Variants in KIF13A observed in about 807,000 individuals in gnomAD.
KIF13A encodes kinesin family member 13A, also known as kinesin-like protein KIF13A.
Under a neutral mutation model 212.2 loss-of-function variants are expected in KIF13A, and 79 were observed. The ratio of observed to expected loss-of-function variants is 0.37; its 90% CI spans 0.31 to 0.45. The LOEUF (loss-of-function observed/expected upper bound fraction) is 0.45, where lower values mean the gene tolerates loss of function less well. KIF13A is among the 20% of genes least tolerant of loss of function. The pLI is 1.00. For synonymous variants in KIF13A, 789 were observed against 808.6 expected (o/e 0.98, Z 0.41); for missense variants, 1,901 against 2,209.0 (o/e 0.86, Z 2.79).
At chr6:17,920,602 G>A (rs1028460791) in intron 2 of KIF13A, among the ~76,000 whole-genome samples, 8 of 152,004 alleles carry the variant, frequency 5.3e-5, no homozygotes, top group Non-Finnish European at 1.2e-4. Flanking sequence ...GGCTGGGTGC[G>A]GTGGCTCACG....
At chr6:17,841,051 C>T (rs972836841) in intron 9 of KIF13A, among the ~76,000 whole-genome samples, 1 of 151,754 alleles carries the variant, frequency 6.6e-6, no homozygotes, top group African/African-American at 2.4e-5. Flanking sequence ...ACCTGCCTCC[C>T]GCATCCAGAA....
intron 2 of KIF13A, among the ~76,000 whole-genome samples, chr6:17,937,757 T>TTG (rs1554118972): frequency 7.1e-6 from 1 of 139,888 alleles, no homozygotes; most frequent in African/African-American, 2.8e-5. Flanking sequence ...TTTTTTTTTT[T>TTG]TTGTTTTTTT....
At chr6:17,887,265 C>T (rs1334981185) in intron 3 of KIF13A, among the ~76,000 whole-genome samples, 3 of 152,174 alleles carry the variant, frequency 2.0e-5, no homozygotes, top group Non-Finnish European at 4.4e-5. Flanking sequence ...ATATGGTATA[C>T]AGCCACAGGG....
Position 17,926,090 on chromosome 6 carries a change from ATATAAT to A in KIF13A, c.147-27916_147-27911del, listed in dbSNP as rs1418703365. ...TATAATGAAGATGTCAGAACCAGAC[ATATAAT>A]TAAAGTAGTCATCATGTCCACGGTC... On this transcript the variant is annotated intron_variant, in intron 2 of 38. Coordinates refer to ENST00000259711, the MANE Select transcript of KIF13A (RefSeq NM_022113.6). The surrounding 1 kb of genome is among the most constrained non-coding windows in gnomAD (Gnocchi z 4.3). Among the ~76,000 whole-genome samples the A allele has an allele frequency of 6.6e-6, 1 of 152,194 alleles. No homozygotes were observed. The highest frequency in any genetic ancestry group is 2.4e-5 in the African/African-American group (1 of 41,442).
At chr6:17,965,473 C>G (rs1037430559) in intron 2 of KIF13A, among the ~76,000 whole-genome samples, 16 of 152,228 alleles carry the variant, frequency 1.1e-4, no homozygotes, top group Admixed American at 9.2e-4. Context: ...GAGAGAAACT[C>G]AGAGTTCACA....
chr6:17,893,595 A>G (rs1240323749), intron 3 of KIF13A, among the ~76,000 whole-genome samples: 1 of 152,034 alleles, frequency 6.6e-6, no homozygotes, highest in Non-Finnish European at 1.5e-5. Context: ...GCTTAACTGC[A>G]CTGCCTAGGA....
At chr6:17,846,504 A>T (rs1767075509) in intron 9 of KIF13A, among the ~76,000 whole-genome samples, 1 of 151,742 alleles carries the variant, frequency 6.6e-6, no homozygotes, top group Non-Finnish European at 1.5e-5. Flanking sequence ...GCAGTGGCTC[A>T]CACCTATAAC....
chr6:17,881,623 G>C (rs1341020922), intron 3 of KIF13A: 1 of 353,386 alleles, frequency 2.8e-6, no homozygotes, highest in Non-Finnish European at 5.5e-6. Context: ...CTTGAACTCA[G>C]GAAGCGGAGG....
In KIF13A at chr6:17,912,504, C is replaced by T. The variant is rs369259211; in HGVS notation, c.147-14324G>A. On this transcript the variant is annotated intron_variant, in intron 2 of 38. Transcript: ENST00000259711. This position sits in a 1 kb window ranked among gnomAD's most constrained non-coding sequence, Gnocchi z 4.2. ...GAGCCTGGACTTCCCTGGCTTCCAA[C>T]TGTTCTCACCCTAAGCACTTATTAG... is the stretch of plus-strand genomic sequence containing the variant. Among the ~76,000 whole-genome samples, 1 of 152,362 alleles carries T rather than the reference C, an allele frequency of 6.6e-6. No individual in the cohort carries two copies. Among genetic ancestry groups the T allele is most frequent in the African/African-American group, 2.4e-5 (1 of 41,594 alleles).
At chr6:17,885,128 G>C (rs1771425890) in intron 3 of KIF13A, among the ~76,000 whole-genome samples, 1 of 150,666 alleles carries the variant, frequency 6.6e-6, no homozygotes, top group Non-Finnish European at 1.5e-5. Context: ...AAGAAAAAAA[G>C]GAAGAGTTAA....
Position 17,897,406 on chromosome 6 carries a change from T to C in KIF13A, c.159+762A>G, listed in dbSNP as rs1772668728. Among the ~76,000 whole-genome samples, 2 of 152,172 alleles carry C rather than the reference T, an allele frequency of 1.3e-5. No individual in the cohort carries two copies. The highest frequency in any genetic ancestry group is 2.9e-5 in the Non-Finnish European group (2 of 68,014). Reference sequence around the variant, plus strand: ...ATTTCTCACTCCTTTTGGTGCTAAGTGTCCCTCTGATACTCAGCAAAATGC... The same window carrying C: ...ATTTCTCACTCCTTTTGGTGCTAAGCGTCCCTCTGATACTCAGCAAAATGC... On this transcript the variant is annotated intron_variant, in intron 3 of 38. Coordinates refer to ENST00000259711, the MANE Select transcript of KIF13A (RefSeq NM_022113.6). This position sits in a 1 kb window ranked among gnomAD's most constrained non-coding sequence, Gnocchi z 4.8.
chr6:17,911,849 C>G (rs975172527), intron 2 of KIF13A, among the ~76,000 whole-genome samples: 1 of 151,352 alleles, frequency 6.6e-6, no homozygotes, highest in African/African-American at 2.4e-5. Context: ...ACTGCAACCT[C>G]CACCTCCCGG....
At chr6:17,893,788 CATAA>C (rs1202516330) in intron 3 of KIF13A, among the ~76,000 whole-genome samples, 1 of 144,048 alleles carries the variant, frequency 6.9e-6, no homozygotes, top group Non-Finnish European at 1.5e-5. Flanking sequence ...ATCATAAATT[CATAA>C]ATAAACATTG....
At chr6:17,901,081 C>CAA (rs34266366) in intron 2 of KIF13A, among the ~76,000 whole-genome samples, 201 of 70,136 alleles carry the variant, frequency 2.9e-3, no homozygotes, top group African/African-American at 6.6e-3. Flanking sequence ...GACTCTGTCT[C>CAA]AAAAAAAAAA....
At position 17,764,591 on chromosome 6, in the gene KIF13A, G is replaced by A. The variant is rs765535914; in HGVS notation, c.4937C>T (p.Pro1646Leu). Reference protein sequence around the residue: ...STPSLVHDFRPSSNKELTEVE... With the variant: ...STPSLVHDFRLSSNKELTEVE... Reference sequence around the variant, plus strand: ...TTCTGTCAACTCTTTGTTTGAGGACGGCCTGAAATCATGCACAAGCGATGG... The same window carrying A: ...TTCTGTCAACTCTTTGTTTGAGGACAGCCTGAAATCATGCACAAGCGATGG... Residue 1646 changes from proline to leucine, a missense_variant, in exon 39 of 39, where the codon CCG becomes CTG. This residue lies in a region of KIF13A where 687 missense variants were observed against 759.1 expected (regional missense o/e 0.90). Coordinates refer to ENST00000259711, the MANE Select transcript of KIF13A (RefSeq NM_022113.6). The surrounding 1 kb of genome is among the most constrained non-coding windows in gnomAD (Gnocchi z 5.1). 29 of 1,613,790 alleles carry A rather than the reference G, an allele frequency of 1.8e-5. No homozygotes were observed. The highest frequency in any genetic ancestry group is 3.3e-5 in the Admixed American group (2 of 60,002).
At chr6:17,852,129 C>CA in intron 6 of KIF13A, 87 bp from the exon 7 acceptor site, 1 of 587,924 alleles carries the variant, frequency 1.7e-6, no homozygotes, top group Non-Finnish European at 2.7e-6. Flanking sequence ...ACTAAGATAA[C>CA]AATTTCAAAA....
Position 17,883,046 on chromosome 6 carries a change from T to C in KIF13A, c.160-9609A>G, listed in dbSNP as rs901396376. On this transcript the variant is annotated intron_variant, in intron 3 of 38. Coordinates refer to ENST00000259711, the MANE Select transcript of KIF13A (RefSeq NM_022113.6). The surrounding 1 kb of genome is among the most constrained non-coding windows in gnomAD (Gnocchi z 4.8). ...TCCCTAATCTTTTCATTACCAAAAA[T>C]ACTCGGCGAATTTACATTTTAAAGC... 3.3e-5 allele frequency among the ~76,000 whole-genome samples: 5 copies of C among 152,190 alleles called. No homozygotes were observed. Among genetic ancestry groups the C allele is most frequent in the Non-Finnish European group, 5.9e-5 (4 of 68,026 alleles).
At chr6:17,930,907 G>C (rs1168835258) in intron 2 of KIF13A, among the ~76,000 whole-genome samples, 1 of 152,196 alleles carries the variant, frequency 6.6e-6, no homozygotes, top group Non-Finnish European at 1.5e-5. Flanking sequence ...GTAGACTCAG[G>C]CTTAAAAATT....
At position 17,984,858 on chromosome 6, in the gene KIF13A, T is replaced by C. The variant is rs1431303918; in HGVS notation, c.146+2196A>G. On this transcript the variant is annotated intron_variant, in intron 2 of 38. Coordinates refer to ENST00000259711, the MANE Select transcript of KIF13A (RefSeq NM_022113.6). This position sits in a 1 kb window ranked among gnomAD's most constrained non-coding sequence, Gnocchi z 5.0. ...CACCTTTGCCCTGCCCTGAGCACTATCTAAAAACCAATGACAGAAATGAAT... is the reference window on the plus strand; with the variant it reads ...CACCTTTGCCCTGCCCTGAGCACTACCTAAAAACCAATGACAGAAATGAAT... Among the ~76,000 whole-genome samples, 1 of 152,182 alleles carries C rather than the reference T, an allele frequency of 6.6e-6. No individual in the cohort carries two copies. The highest frequency in any genetic ancestry group is 2.4e-5 in the African/African-American group (1 of 41,438).
Sources: gnomAD v4.1 joint callset for allele counts (sites outside exome capture counted in the v4.1 genomes callset) on GRCh38, gnomAD v4.1.1 for gene constraint, gnomAD v4.1.1 regional missense constraint, Gnocchi (gnomAD v3.1) non-coding constraint, MANE v1.5 for transcripts, NCBI Gene and HGNC (gene_info 2026-07-23, HGNC 2026-07-21) for gene names.